TIAM2: variants seen among roughly 807,000 people sequenced by gnomAD.
TIAM2 encodes the protein TIAM Rac1 associated GEF 2.
A neutral mutation model predicts 152.9 loss-of-function variants in TIAM2; 80 were observed. That is an observed-to-expected ratio of 0.52 (90% CI 0.44 to 0.63). The LOEUF (loss-of-function observed/expected upper bound fraction) is 0.63, where lower values mean the gene tolerates loss of function less well. Ranked by LOEUF, TIAM2 falls within the 30% of genes least tolerant of loss-of-function variation. The pLI is 0.00. For synonymous variants in TIAM2, 804 were observed against 838.0 expected, an observed-to-expected ratio of 0.96 and a Z score of 0.70; for missense variants, 1,965 against 2,120.1, an observed-to-expected ratio of 0.93 and a Z score of 1.44.
chr6:155,082,319 G>C (rs1279814991), intron 1 of TIAM2, among the ~76,000 whole-genome samples: 3 of 151,970 alleles, frequency 2.0e-5, no homozygotes, highest in Non-Finnish European at 4.4e-5. Flanking sequence ...CTCCAGCCTG[G>C]GCAGCAGAGC....
intron 2 of TIAM2, among the ~76,000 whole-genome samples, chr6:155,104,756 C>CAAA (rs55914919): frequency 0.57 from 75,469 of 133,356 alleles, 20,488 homozygotes; most frequent in South Asian, 0.67. Context: ...GACTCTGTCT[C>CAAA]AAAAAAAAAA....
rs374689433 is a variant in TIAM2 at position 155,233,788 on chromosome 6, C to T, written c.3169-6742C>T. ...AGCCTGGGCAACATAGTGAGACCCT[C>T]CCTTCTCTACTAAAAATCAAAAGAA... On this transcript the variant is annotated intron_variant, in intron 15 of 26. Transcript: ENST00000682666. Among the ~76,000 whole-genome samples, 57 of 152,112 alleles carry T rather than the reference C, an allele frequency of 3.7e-4. No homozygotes were observed. The East Asian group carries it at 9.5e-3, about 25-fold the overall frequency.
intron 10 of TIAM2, 61 bp from the exon 11 acceptor site, chr6:155,178,978 T>C: frequency 7.7e-7 from 1 of 1,303,722 alleles, no homozygotes; most frequent in Non-Finnish European, 1.1e-6. Flanking sequence ...ATAAGCCTGC[T>C]AACCAATGAT....
intron 13 of TIAM2, 145 bp from the exon 14 acceptor site, chr6:155,183,092 C>A: frequency 9.7e-7 from 1 of 1,034,206 alleles, no homozygotes. Context: ...TGCCACTGTG[C>A]CTGGCTGGCA....
chr6:155,028,064 T>C (rs187830606), intron 1 of TIAM2, among the ~76,000 whole-genome samples: 1,302 of 120,244 alleles, frequency 0.011, 43 homozygotes, highest in African/African-American at 0.022. Flanking sequence ...ATATATACTA[T>C]ATATAATATA....
At chr6:155,253,723 G>A (rs1001135276) in intron 24 of TIAM2, 1 of 390,036 alleles carries the variant, frequency 2.6e-6, no homozygotes, top group Non-Finnish European at 4.5e-6. Flanking sequence ...CCCAGAGAGG[G>A]GCTCCAGAGA....
intron 4 of TIAM2, among the ~76,000 whole-genome samples, chr6:155,132,268 A>T (rs1305826627): frequency 6.8e-6 from 1 of 147,740 alleles, no homozygotes; most frequent in Non-Finnish European, 1.5e-5. Flanking sequence ...GATAGACATA[A>T]AATTATAAAA....
chr6:155,067,436 G>A (rs1004147504), intron 1 of TIAM2, among the ~76,000 whole-genome samples: 1 of 152,128 alleles, frequency 6.6e-6, no homozygotes, highest in Admixed American at 6.6e-5. Flanking sequence ...ATTGACTTGA[G>A]CTCTCTGTCC....
intron 2 of TIAM2, among the ~76,000 whole-genome samples, chr6:155,123,555 G>C (rs1432290733): frequency 6.6e-6 from 1 of 152,196 alleles, no homozygotes; most frequent in African/African-American, 2.4e-5. Context: ...AAAAAATTAA[G>C]CTATTTAATT....
chr6:155,011,670 T>C (rs1778491768), intron 1 of TIAM2, among the ~76,000 whole-genome samples: 1 of 152,246 alleles, frequency 6.6e-6, no homozygotes, highest in African/African-American at 2.4e-5. Flanking sequence ...TTATACCTCA[T>C]CTGGCTCTCA....
At chr6:155,103,660 G>C (rs1778597568) in intron 2 of TIAM2, among the ~76,000 whole-genome samples, 1 of 142,016 alleles carries the variant, frequency 7.0e-6, no homozygotes, top group Non-Finnish European at 1.5e-5. Context: ...GGAGGCGGAG[G>C]TTGCGGTGAG....
intron 12 of TIAM2, among the ~76,000 whole-genome samples, chr6:155,180,475 A>G (rs77671928): frequency 0.012 from 1,757 of 152,312 alleles, 15 homozygotes; most frequent in Non-Finnish European, 0.018. Context: ...AAATATATCG[A>G]TACATGATTT....
chr6:155,029,505 A>AATATATAATATAGT (rs1491485212), intron 1 of TIAM2, among the ~76,000 whole-genome samples: 2 of 28,336 alleles, frequency 7.1e-5, no homozygotes, highest in African/African-American at 1.4e-4. Flanking sequence ...TATTATATAT[A>AATATATAATATAGT]ATATATACTA....
Position 155,183,192 on chromosome 6 carries a change from A to G in TIAM2, c.2801-45A>G, listed in dbSNP as rs769974280. The stretch of plus-strand genomic sequence containing the variant: ...TCTTTCATCTGAAAATATTTCTCAC[A>G]GTAATCCCTCTCTCTTTTTTCTGTT... On this transcript the variant is annotated intron_variant, in intron 13 of 26. Coordinates refer to ENST00000682666, the MANE Select transcript of TIAM2 (RefSeq NM_012454.4). 3.8e-6 allele frequency: 6 copies of G among 1,592,092 alleles called. No homozygotes were observed. The Admixed American group carries it at 5.2e-5, about 14-fold the overall frequency.
chr6:155,016,180 A>T (rs533114493), intron 1 of TIAM2: 1 of 152,276 alleles, frequency 6.6e-6, no homozygotes, highest in East Asian at 1.9e-4. Flanking sequence ...CTCCCATAGA[A>T]ATAAAAGCAG....
intron 1 of TIAM2, among the ~76,000 whole-genome samples, chr6:154,999,325 C>G (rs1482684494): frequency 2.0e-5 from 3 of 152,046 alleles, no homozygotes; most frequent in Non-Finnish European, 4.4e-5. Context: ...ATTCTCCTGC[C>G]TCAGCCTCCC....
rs1039556038 is a variant in TIAM2 at position 155,214,044 on chromosome 6, G to C, written c.3168+2737G>C. On this transcript the variant is annotated intron_variant, in intron 15 of 26. Coordinates refer to ENST00000682666, the MANE Select transcript of TIAM2 (RefSeq NM_012454.4). This position sits in a 1 kb window ranked among gnomAD's most constrained non-coding sequence, Gnocchi z 5.4. ...CGTGGCTGCAGCAGTACCCGGGAGGGCGGGGCTCCTTCCTGCTCCTGGCCC... is the reference window on the plus strand; with the variant it reads ...CGTGGCTGCAGCAGTACCCGGGAGGCCGGGGCTCCTTCCTGCTCCTGGCCC... 2.6e-5 allele frequency among the ~76,000 whole-genome samples: 4 copies of C among 152,238 alleles called. No homozygotes were observed. Among genetic ancestry groups the C allele is most frequent in the Non-Finnish European group, 4.4e-5 (3 of 68,032 alleles).
At chr6:155,028,422 C>T (rs1776682158) in intron 1 of TIAM2, among the ~76,000 whole-genome samples, 1 of 117,426 alleles carries the variant, frequency 8.5e-6, no homozygotes, top group East Asian at 2.5e-4. Flanking sequence ...ACATATACTA[C>T]ATATAATATA....
chr6:155,164,880 G>A (rs1780379741), intron 8 of TIAM2, among the ~76,000 whole-genome samples: 1 of 152,174 alleles, frequency 6.6e-6, no homozygotes, highest in African/African-American at 2.4e-5. Context: ...TCAGGAAAGT[G>A]GGATCCTGGA....
Sources: gnomAD v4.1 joint callset for allele counts (sites outside exome capture counted in the v4.1 genomes callset) on GRCh38, gnomAD v4.1.1 for gene constraint, Gnocchi (gnomAD v3.1) non-coding constraint, MANE v1.5 for transcripts, NCBI Gene and HGNC (gene_info 2026-07-23, HGNC 2026-07-21) for gene names.